KIDINS220: variants seen among roughly 807,000 people sequenced by gnomAD.
The protein encoded by KIDINS220 is kinase D interacting substrate 220.
In KIDINS220, 63 loss-of-function variants were observed where a neutral mutation model predicts 157.6. The ratio of observed to expected loss-of-function variants is 0.40; its 90% confidence interval spans 0.33 to 0.49. The LOEUF is 0.49. KIDINS220 is among the 20% of genes least tolerant of loss of function. KIDINS220 has a pLI of 0.66. For missense variants in KIDINS220, 1,772 were observed against 2,171.2 expected (o/e 0.82, Z 3.65); for synonymous variants, 732 against 783.6 (o/e 0.93, Z 1.10).
At position 8,744,982 on chromosome 2, in the gene KIDINS220, T is replaced by C. The variant is rs1008761827; in HGVS notation, c.3585+2163A>G. Reference sequence around the variant, plus strand: ...AGTCACTAATATATGCAGAGCACCTTTGTTGAGCTTCTAAACACATCTCAA... The same window carrying C: ...AGTCACTAATATATGCAGAGCACCTCTGTTGAGCTTCTAAACACATCTCAA... On this transcript the variant is annotated intron_variant, in intron 26 of 29. Transcript: ENST00000256707. Among the ~76,000 whole-genome samples the C allele has an allele frequency of 1.5e-3, 226 of 152,172 alleles. 1 individual carries two copies. The highest frequency in any genetic ancestry group is 3.4e-4 in the Non-Finnish European group (23 of 68,038).
intron 11 of KIDINS220, 126 bp from the exon 12 acceptor site, chr2:8,794,113 T>C (rs1291402971): frequency 3.1e-6 from 2 of 647,842 alleles, no homozygotes; most frequent in Non-Finnish European, 4.9e-6. Flanking sequence ...ATAAAGCACA[T>C]ATATAATATG....
intron 11 of KIDINS220, chr2:8,794,374 T>C (rs1438739318): frequency 6.4e-6 from 1 of 156,348 alleles, no homozygotes; most frequent in East Asian, 1.9e-4. Context: ...TCAACTAATT[T>C]AAATTCTATT....
intron 26 of KIDINS220, among the ~76,000 whole-genome samples, chr2:8,742,031 CT>C (rs1296280270): frequency 4.0e-4 from 61 of 152,234 alleles, no homozygotes; most frequent in African/African-American, 1.4e-3. Flanking sequence ...CCTATGGCAC[CT>C]TTAACTTTCT....
At chr2:8,732,740 C>T (rs1203572889) in intron 29 of KIDINS220, among the ~76,000 whole-genome samples, 2 of 152,166 alleles carry the variant, frequency 1.3e-5, no homozygotes, top group Non-Finnish European at 2.9e-5. Context: ...TTTCTTCCTT[C>T]CCCAAGGCGC....
downstream of KIDINS220, among the ~76,000 whole-genome samples, chr2:8,726,599 G>A (rs1044664373): frequency 1.3e-5 from 2 of 152,162 alleles, no homozygotes; most frequent in Non-Finnish European, 2.9e-5. Context: ...TTTGTCGTGG[G>A]AGCATCACAG....
At chr2:8,725,912 A>AGT, downstream of KIDINS220, among the ~76,000 whole-genome samples, 1 of 152,206 alleles carries the variant, frequency 6.6e-6, no homozygotes, top group Non-Finnish European at 1.5e-5. Context: ...CACTAGTGTA[A>AGT]ATAACACTAC....
downstream of KIDINS220, chr2:8,725,273 A>T (rs1663209211): frequency 6.6e-6 from 1 of 152,242 alleles, no homozygotes; most frequent in Non-Finnish European, 1.5e-5. Context: ...ACTATGATAA[A>T]TTTGAAAATA....
At position 8,785,795 on chromosome 2, in the gene KIDINS220, G is replaced by A. The variant is rs759691861; in HGVS notation, c.2175C>T (p.Arg725=). The A allele has an allele frequency of 3.1e-6, 5 of 1,613,980 alleles. No individual in the cohort carries two copies. In the Admixed American group the frequency reaches 8.3e-5, roughly 27 times the overall value. The change falls in exon 17 of 30, where the codon CGC becomes CGT. Residue 725 remains arginine, a synonymous_variant. Transcript: ENST00000256707. ...LDSLLNSQRK[R]LHNAASKLHK... is the part of the protein sequence containing the mutation. ...GCAGTTTGGAGGCTGCATTATGGAG[G>A]CGTTTTCTTTGGGAATTCAGGAGCG...
Position 8,730,289 on chromosome 2 carries a change from G to C in KIDINS220, c.*431C>G. On this transcript the variant is annotated 3_prime_UTR_variant, in exon 30 of 30. Transcript: ENST00000256707. ...CACTCACCTAGGTGAGCCCCTAAGA[G>C]CAGGGTTTGCTTCTGCTTCACCTAA... is the stretch of plus-strand genomic sequence containing the variant. 2.0e-6 allele frequency: 2 copies of C among 1,001,272 alleles called. No individual in the cohort carries two copies. The highest frequency in any genetic ancestry group is 2.4e-6 in the Non-Finnish European group (2 of 840,332). 62.0% of individuals were successfully genotyped at this position (1,001,272 alleles called of 1,614,324 possible).
chr2:8,737,294 C>A, intron 26 of KIDINS220: 1 of 224,018 alleles, frequency 4.5e-6, no homozygotes, highest in Non-Finnish European at 8.8e-6. Flanking sequence ...TGCCTAATCT[C>A]AAGAGAGAAG....
chr2:8,757,177 T>A, intron 22 of KIDINS220: 1 of 757,366 alleles, frequency 1.3e-6, no homozygotes, highest in Non-Finnish European at 1.6e-6. Flanking sequence ...ATGCAACCAT[T>A]AGTTCAAAAA....
At chr2:8,833,945 G>A (rs1360081580) in intron 1 of KIDINS220, among the ~76,000 whole-genome samples, 1 of 152,168 alleles carries the variant, frequency 6.6e-6, no homozygotes, top group East Asian at 1.9e-4. Flanking sequence ...TCCGGTTACA[G>A]ACACAGTGCA....
intron 14 of KIDINS220, among the ~76,000 whole-genome samples, chr2:8,789,173 A>G (rs1046638256): frequency 1.4e-5 from 1 of 73,058 alleles, no homozygotes; most frequent in African/African-American, 6.5e-5. Context: ...AATAGGGATT[A>G]TATTATATTT....
At chr2:8,803,720 A>G (rs1244126998) in intron 7 of KIDINS220, among the ~76,000 whole-genome samples, 1 of 152,166 alleles carries the variant, frequency 6.6e-6, no homozygotes, top group Non-Finnish European at 1.5e-5. Flanking sequence ...TTTTATAACA[A>G]TAAATCAGGC....
intron 26 of KIDINS220, among the ~76,000 whole-genome samples, chr2:8,739,360 A>G (rs1031225508): frequency 2.6e-5 from 4 of 152,200 alleles, no homozygotes; most frequent in African/African-American, 9.6e-5. Flanking sequence ...CCCTTATTAT[A>G]AGTTGGGCTT....
rs1362529193 is a variant in KIDINS220, at chr2:8,793,829, T to A, written c.1257A>T (p.Leu419Phe). 2 of 1,601,152 alleles carry A rather than the reference T, an allele frequency of 1.2e-6. No homozygotes were observed. Reference protein sequence around the residue: ...NIDCSHQKSILTQIFGARHLS... With the variant: ...NIDCSHQKSIFTQIFGARHLS... ...ACTTACTGGCTCCAAATATTTGAGT[T>A]AAAATACTCTTCTGATGGCTACAGT... Residue 419 changes from leucine to phenylalanine, a missense_variant, in exon 12 of 30, where the codon TTA becomes TTT. Transcript: ENST00000256707.
In KIDINS220 at chr2:8,806,338, C is replaced by T. The variant is rs756957698; in HGVS notation, c.536G>A (p.Arg179Gln). The change falls in exon 7 of 30, where the codon CGA (arginine) becomes CAA (glutamine). Residue 179 changes from arginine to glutamine, a missense_variant. This residue lies in a region of KIDINS220 where 254 missense variants were observed against 268.6 expected (regional missense o/e 0.95). Coordinates refer to ENST00000256707, the MANE Select transcript of KIDINS220 (RefSeq NM_020738.4). ...YGTTPLVWAA[R>Q]KGHLECVKHL... ...TTTCACACATTCCAAATGACCCTTT[C>T]GTGCAGCCCAAACTAAAGGGGTGGT... is the stretch of plus-strand genomic sequence containing the variant. 72 of 1,609,832 alleles carry T rather than the reference C, an allele frequency of 4.5e-5. 1 individual carries two copies. The highest frequency in any genetic ancestry group is 4.3e-4 in the South Asian group (39 of 90,082).
rs1272141857 is a variant in KIDINS220 at position 8,826,976 on chromosome 2, T to G, written c.108+10A>C. The G allele has an allele frequency of 6.5e-7, 1 of 1,529,336 alleles. No individual in the cohort carries two copies. The highest frequency in any genetic ancestry group is 1.7e-5 in the Admixed American group (1 of 58,108). 94.7% of individuals were successfully genotyped at this position (1,529,336 alleles called of 1,614,324 possible). A position where few individuals can be genotyped will look rare whatever the true frequency, so the allele number is the denominator to read the frequency against. The stretch of plus-strand genomic sequence containing the variant: ...TGTGAAAGAATGTAATTTTGCAAAC[T>G]TGGTCTTACCTCATTTCTCTCATCT... On this transcript the variant is annotated intron_variant, in intron 2 of 29. Coordinates refer to ENST00000256707, the MANE Select transcript of KIDINS220 (RefSeq NM_020738.4).
Position 8,750,121 on chromosome 2 carries a change from G to A in KIDINS220, c.3405C>T (p.Phe1135=). 6.2e-7 allele frequency: 1 copy of A among 1,613,824 alleles called. No individual in the cohort carries two copies. The highest frequency in any genetic ancestry group is 8.5e-7 in the Non-Finnish European group (1 of 1,179,770). ...YSGMTGPQHP[F]YNRPFFAPYL... is the part of the protein sequence containing the mutation. ...CCTCCAACTTCCTTACCCTGTTGTA[G>A]AAGGGATGCTGAGGGCCCGTCATGC... The change falls in exon 24 of 30, where the codon TTC becomes TTT. Residue 1135 remains phenylalanine, a synonymous_variant. Transcript: ENST00000256707.
Sources: gnomAD v4.1 joint callset for allele counts (sites outside exome capture counted in the v4.1 genomes callset) on GRCh38, gnomAD v4.1.1 for gene constraint, gnomAD v4.1.1 regional missense constraint, MANE v1.5 for transcripts, NCBI Gene and HGNC (gene_info 2026-07-23, HGNC 2026-07-21) for gene names.